The following DRC11 variants were observed in gnomAD, a reference collection of about 807,000 sequenced individuals.
DRC11 encodes dynein regulatory complex subunit 11.
chr2:236,479,491 A>C, the DRC11 span, among the ~76,000 whole-genome samples: 8 of 151,796 alleles, frequency 5.3e-5, no homozygotes, highest in South Asian at 1.7e-3. This position sits in a 1 kb window ranked among gnomAD's most constrained non-coding sequence, Gnocchi z 4.1. Context: ...TTTTATTTTT[A>C]GTATATCTAT....
At chr2:236,420,163 A>C in the DRC11 span, among the ~76,000 whole-genome samples, 1 of 152,172 alleles carries the variant, frequency 6.6e-6, no homozygotes, top group Non-Finnish European at 1.5e-5. This position sits in a 1 kb window ranked among gnomAD's most constrained non-coding sequence, Gnocchi z 4.8. Context: ...CACCAGACGC[A>C]TGGGGGTTGC....
chr2:236,505,855 T>A, the DRC11 span, among the ~76,000 whole-genome samples: 2 of 152,178 alleles, frequency 1.3e-5, no homozygotes, highest in African/African-American at 4.8e-5. Flanking sequence ...CACACAAACA[T>A]TCTATTGTTT....
the DRC11 span, among the ~76,000 whole-genome samples, chr2:236,317,249 T>A: frequency 6.6e-6 from 1 of 150,932 alleles, no homozygotes; most frequent in Non-Finnish European, 1.5e-5. This position sits in a 1 kb window ranked among gnomAD's most constrained non-coding sequence, Gnocchi z 5.4. Flanking sequence ...TGAGCTGAGA[T>A]CGCGCCACTG....
At chr2:236,364,203 C>T in the DRC11 span, among the ~76,000 whole-genome samples, 2 of 77,464 alleles carry the variant, frequency 2.6e-5, no homozygotes, top group African/African-American at 5.4e-5. Flanking sequence ...AGGGTCTCTG[C>T]GGGTCCTTAA....
chr2:236,434,457 G>A, the DRC11 span, among the ~76,000 whole-genome samples: 4 of 152,198 alleles, frequency 2.6e-5, no homozygotes, highest in African/African-American at 9.7e-5. This position sits in a 1 kb window ranked among gnomAD's most constrained non-coding sequence, Gnocchi z 5.5. Context: ...TCTGTTCTAA[G>A]TACCTCACGT....
the DRC11 span, chr2:236,324,488 T>C: frequency 6.2e-6 from 3 of 483,980 alleles, no homozygotes; most frequent in African/African-American, 5.9e-5. The surrounding 1 kb of genome is among the most constrained non-coding windows in gnomAD (Gnocchi z 5.7). Flanking sequence ...GGGAAAGGCA[T>C]AACAGCACAT....
chr2:236,497,788 T>C, the DRC11 span, among the ~76,000 whole-genome samples: 2 of 152,222 alleles, frequency 1.3e-5, no homozygotes, highest in African/African-American at 4.8e-5. This position sits in a 1 kb window ranked among gnomAD's most constrained non-coding sequence, Gnocchi z 5.1. Context: ...ATTTAAAAGA[T>C]GACAAAGTTG....
At chr2:236,432,622 T>C in the DRC11 span, among the ~76,000 whole-genome samples, 1 of 152,188 alleles carries the variant, frequency 6.6e-6, no homozygotes, top group Non-Finnish European at 1.5e-5. Context: ...CTTTTTCTTG[T>C]AGAGCTGTAG....
the DRC11 span, among the ~76,000 whole-genome samples, chr2:236,470,173 A>G: frequency 3.9e-5 from 6 of 152,190 alleles, no homozygotes; most frequent in Non-Finnish European, 5.9e-5. The surrounding 1 kb of genome is among the most constrained non-coding windows in gnomAD (Gnocchi z 5.1). Flanking sequence ...CCTTCTTCAA[A>G]TTAGTAAGAG....
At chr2:236,441,055 G>T in the DRC11 span, 27 of 1,551,014 alleles carry the variant, frequency 1.7e-5, no homozygotes, top group Non-Finnish European at 2.3e-5. Context: ...GTATGGTCTT[G>T]TCAGAAAAAA....
chr2:236,361,395 A>G, the DRC11 span, among the ~76,000 whole-genome samples: 1 of 152,200 alleles, frequency 6.6e-6, no homozygotes, highest in African/African-American at 2.4e-5. The surrounding 1 kb of genome is among the most constrained non-coding windows in gnomAD (Gnocchi z 5.7). Flanking sequence ...AAAATGGCAA[A>G]TATATGGAGA....
the DRC11 span, among the ~76,000 whole-genome samples, chr2:236,335,058 C>T: frequency 6.6e-6 from 1 of 152,148 alleles, no homozygotes; most frequent in African/African-American, 2.4e-5. The surrounding 1 kb of genome is among the most constrained non-coding windows in gnomAD (Gnocchi z 5.6). Context: ...GGCTGTGTTT[C>T]CTCTACAAAT....
At chr2:236,329,335 T>C in the DRC11 span, among the ~76,000 whole-genome samples, 1 of 152,218 alleles carries the variant, frequency 6.6e-6, no homozygotes, top group African/African-American at 2.4e-5. Context: ...CGGCCTACCA[T>C]GCCTGTCCAT....
the DRC11 span, among the ~76,000 whole-genome samples, chr2:236,402,908 T>C: frequency 2.6e-5 from 4 of 152,208 alleles, no homozygotes; most frequent in African/African-American, 9.7e-5. The surrounding 1 kb of genome is among the most constrained non-coding windows in gnomAD (Gnocchi z 6.0). Context: ...TTAATTAGTA[T>C]ATTTATCCTC....
chr2:236,442,210 A>G, the DRC11 span, among the ~76,000 whole-genome samples: 1 of 152,268 alleles, frequency 6.6e-6, no homozygotes, highest in African/African-American at 2.4e-5. Flanking sequence ...TTTATGGATA[A>G]TAAATATATT....
the DRC11 span, among the ~76,000 whole-genome samples, chr2:236,475,099 C>T: frequency 3.3e-4 from 50 of 152,170 alleles, no homozygotes; most frequent in East Asian, 2.1e-3. This position sits in a 1 kb window ranked among gnomAD's most constrained non-coding sequence, Gnocchi z 4.8. Flanking sequence ...TATTTTTCTA[C>T]CCATTAATCA....
chr2:236,415,152 T>G, the DRC11 span, among the ~76,000 whole-genome samples: 30 of 152,242 alleles, frequency 2.0e-4, no homozygotes, highest in African/African-American at 4.6e-4. This position sits in a 1 kb window ranked among gnomAD's most constrained non-coding sequence, Gnocchi z 5.7. Context: ...AGGATTATCC[T>G]ATCTAATCCT....
the DRC11 span, among the ~76,000 whole-genome samples, chr2:236,452,849 A>T: frequency 0.027 from 4,103 of 152,180 alleles, 190 homozygotes; most frequent in African/African-American, 0.093. The surrounding 1 kb of genome is among the most constrained non-coding windows in gnomAD (Gnocchi z 4.7). Context: ...TTCCTTTTTT[A>T]AAAAAATTTT....
the DRC11 span, among the ~76,000 whole-genome samples, chr2:236,322,541 T>C: frequency 6.6e-6 from 1 of 152,146 alleles, no homozygotes; most frequent in African/African-American, 2.4e-5. Flanking sequence ...CCACCGTGCC[T>C]GGCCTCTTTC....
Sources: allele counts gnomAD v4.1 joint callset (sites outside exome capture counted in the v4.1 genomes callset), GRCh38; gene constraint gnomAD v4.1.1; non-coding constraint Gnocchi (gnomAD v3.1); transcripts MANE v1.5; gene names NCBI Gene and HGNC (gene_info 2026-07-23, HGNC 2026-07-21).